The following TENM4 variants were observed in gnomAD, a reference collection of about 807,000 sequenced individuals.
The protein encoded by TENM4 is teneurin transmembrane protein 4, also known as teneurin-4.
Under a neutral mutation model 243.3 loss-of-function variants are expected in TENM4, and 82 were observed. The ratio of observed to expected loss-of-function variants is 0.34; its 90% CI spans 0.28 to 0.40. The LOEUF (loss-of-function observed/expected upper bound fraction) is 0.40, where lower values mean the gene tolerates loss of function less well. TENM4 is among the 10% of genes least tolerant of loss of function. The pLI, the probability that TENM4 is intolerant of heterozygous loss-of-function variation, is 1.00. For synonymous variants in TENM4, 1,412 were observed against 1,456.3 expected (o/e 0.97, Z 0.69); for missense variants, 3,138 against 3,673.3 (o/e 0.85, Z 3.77).
intron 6 of TENM4, among the ~76,000 whole-genome samples, chr11:79,051,384 G>T (rs1859786853): frequency 6.6e-6 from 1 of 152,214 alleles, no homozygotes; most frequent in African/African-American, 2.4e-5. Flanking sequence ...AGGCAGCCTG[G>T]CTCCAGAGTA....
intron 9 of TENM4, 45 bp downstream of exon 9, chr11:78,889,740 T>C (rs1313446698): frequency 1.3e-6 from 2 of 1,541,186 alleles, no homozygotes; most frequent in Non-Finnish European, 1.8e-6. Flanking sequence ...TGCTGCCCTC[T>C]GGGCCAAAGA....
intron 9 of TENM4, among the ~76,000 whole-genome samples, chr11:78,878,995 G>C (rs1275663724): frequency 6.6e-6 from 1 of 152,116 alleles, no homozygotes; most frequent in African/African-American, 2.4e-5. Flanking sequence ...ATGAAAAAAT[G>C]TCCTGTGCAC....
chr11:79,351,517 C>T (rs551879405), intron 1 of TENM4, among the ~76,000 whole-genome samples: 22 of 152,100 alleles, frequency 1.4e-4, no homozygotes, highest in African/African-American at 5.3e-4. Flanking sequence ...ACCAGCCTGG[C>T]CAGCATGGTG....
chr11:78,662,856 CAA>C (rs377754062), intron 32 of TENM4, among the ~76,000 whole-genome samples: 43 of 152,298 alleles, frequency 2.8e-4, no homozygotes, highest in African/African-American at 6.7e-4. Context: ...GACAGGCTGA[CAA>C]GACCACATGC....
At chr11:79,395,641 C>T (rs1026712869) in intron 1 of TENM4, among the ~76,000 whole-genome samples, 7 of 152,194 alleles carry the variant, frequency 4.6e-5, no homozygotes, top group African/African-American at 9.6e-5. Context: ...GAAGGTATAG[C>T]ATCAGGTCCT....
chr11:78,871,269 G>A (rs1859119958), intron 9 of TENM4, among the ~76,000 whole-genome samples: 1 of 152,316 alleles, frequency 6.6e-6, no homozygotes, highest in Middle Eastern at 3.4e-3. Context: ...GAGTTGTGGA[G>A]ATTAAAAGAA....
chr11:78,702,873 G>A (rs1383163020), intron 27 of TENM4, among the ~76,000 whole-genome samples: 3 of 152,176 alleles, frequency 2.0e-5, no homozygotes, highest in African/African-American at 7.2e-5. Context: ...ATGGAGTCTG[G>A]AGGCTGAAGT....
intron 1 of TENM4, among the ~76,000 whole-genome samples, chr11:79,414,748 T>A (rs930125355): frequency 6.6e-6 from 1 of 152,178 alleles, no homozygotes; most frequent in Non-Finnish European, 1.5e-5. Context: ...GAAACACAGA[T>A]CACAGAGAGA....
rs573897629 is a variant in TENM4 at position 79,033,258 on chromosome 11, T to C, written c.493+31480A>G. ...GGACAGCCATACAGCAGGTGCCCAA[T>C]AAGTATTTGTTGATTTGTCAAAACC... On this transcript the variant is annotated intron_variant, in intron 6 of 33. Coordinates refer to ENST00000278550, the MANE Select transcript of TENM4 (RefSeq NM_001098816.3). Among the ~76,000 whole-genome samples the C allele has an allele frequency of 1.6e-4, 25 of 152,174 alleles. No individual in the cohort carries two copies. The East Asian group carries it at 4.4e-3, about 27-fold the overall frequency.
intron 27 of TENM4, among the ~76,000 whole-genome samples, chr11:78,703,520 T>C (rs1460335546): frequency 3.3e-5 from 5 of 152,132 alleles, no homozygotes; most frequent in African/African-American, 1.2e-4. Context: ...GCATAGGTCA[T>C]GGTGAGTCTT....
At chr11:79,186,540 C>G (rs143739688) in intron 3 of TENM4, among the ~76,000 whole-genome samples, 1 of 152,188 alleles carries the variant, frequency 6.6e-6, no homozygotes, top group Non-Finnish European at 1.5e-5. Context: ...GCTAACTTTC[C>G]TCTTCTTACT....
intron 3 of TENM4, among the ~76,000 whole-genome samples, chr11:79,213,816 T>C (rs1452479115): frequency 1.3e-5 from 2 of 152,140 alleles, no homozygotes; most frequent in African/African-American, 4.8e-5. Flanking sequence ...GTTGAAGAGT[T>C]CAGCTTTTAT....
At chr11:79,319,172 G>A (rs558842335) in intron 1 of TENM4, among the ~76,000 whole-genome samples, 1 of 152,352 alleles carries the variant, frequency 6.6e-6, no homozygotes, top group East Asian at 1.9e-4. Flanking sequence ...TCATAGAACA[G>A]TAAGTGGCAG....
intron 12 of TENM4, among the ~76,000 whole-genome samples, chr11:78,838,790 G>A (rs898833569): frequency 6.6e-6 from 1 of 152,146 alleles, no homozygotes; most frequent in Non-Finnish European, 1.5e-5. Context: ...CCATAAACCT[G>A]TAGTTTTATG....
At chr11:78,984,654 C>T (rs1385416210) in intron 6 of TENM4, among the ~76,000 whole-genome samples, 2 of 152,164 alleles carry the variant, frequency 1.3e-5, no homozygotes, top group Admixed American at 6.5e-5. Flanking sequence ...CCTTCTAATG[C>T]ACCAAAATAC....
intron 17 of TENM4, among the ~76,000 whole-genome samples, chr11:78,775,978 G>A (rs1856732333): frequency 6.6e-6 from 1 of 152,102 alleles, no homozygotes; most frequent in African/African-American, 2.4e-5. Context: ...AAGTGGCATG[G>A]ATTCTATGCA....
rs116656173 is a variant in TENM4 at position 78,724,338 on chromosome 11, C to T, written c.3551-1421G>A. On this transcript the variant is annotated intron_variant, in intron 23 of 33. Transcript: ENST00000278550. ...AACTCCTGGCCTCAAGCGATCCTCTCGCCTTAGCTTCCCAAAGTGCTGGGA... is the reference window on the plus strand; with the variant it reads ...AACTCCTGGCCTCAAGCGATCCTCTTGCCTTAGCTTCCCAAAGTGCTGGGA... Among the ~76,000 whole-genome samples, 530 of 152,328 alleles carry T rather than the reference C, an allele frequency of 3.5e-3. 3 individuals carry two copies. Among genetic ancestry groups the T allele is most frequent in the African/African-American group, 0.012 (488 of 41,582 alleles).
At chr11:79,066,162 G>A (rs1270236190) in intron 5 of TENM4, among the ~76,000 whole-genome samples, 2 of 152,174 alleles carry the variant, frequency 1.3e-5, no homozygotes, top group Non-Finnish European at 2.9e-5. Context: ...ACATGATTAA[G>A]TGTGCAAGTT....
rs1419691491 is a variant in TENM4, at chr11:78,655,080, A to G, written c.*2978T>C. The stretch of plus-strand genomic sequence containing the variant: ...GATGCTTGGAGCCTATTACATAGGC[A>G]CAGGGTTAGGCCTTCACACTCACCC... On this transcript the variant is annotated 3_prime_UTR_variant, in exon 34 of 34. Transcript: ENST00000278550. The G allele has an allele frequency of 6.6e-6, 1 of 152,222 alleles. No homozygotes were observed. Among genetic ancestry groups the G allele is most frequent in the African/African-American group, 2.4e-5 (1 of 41,446 alleles). 9.4% of individuals were successfully genotyped at this position (152,222 alleles called of 1,614,324 possible).
Sources: gnomAD v4.1 joint callset for allele counts (sites outside exome capture counted in the v4.1 genomes callset) on GRCh38, gnomAD v4.1.1 for gene constraint, MANE v1.5 for transcripts, NCBI Gene and HGNC (gene_info 2026-07-23, HGNC 2026-07-21) for gene names.